NINJ2: variants seen among roughly 807,000 people sequenced by gnomAD.
NINJ2 encodes the protein ninjurin 2.
Under a neutral mutation model 11.7 loss-of-function variants are expected in NINJ2, and 12 were observed. The observed-to-expected ratio is 1.02, with a 90% CI of 0.66 to 1.66. The LOEUF is 1.66. Ranked by LOEUF, NINJ2 falls within the 40% of genes most tolerant of loss-of-function variation. NINJ2 has a pLI of 0.00. For synonymous variants in NINJ2, 93 were observed against 76.8 expected (o/e 1.21, Z -1.10); for missense variants, 187 against 181.8 (o/e 1.03, Z -0.16).
intron 1 of NINJ2, among the ~76,000 whole-genome samples, chr12:634,383 C>A (rs908581249): frequency 2.7e-5 from 4 of 150,862 alleles, no homozygotes; most frequent in East Asian, 1.9e-4. Flanking sequence ...CCTCAGCCCC[C>A]CTAGTAGCTG....
chr12:587,367 C>T (rs1293368057), intron 1 of NINJ2, among the ~76,000 whole-genome samples: 3 of 152,218 alleles, frequency 2.0e-5, no homozygotes, highest in Non-Finnish European at 2.9e-5. Context: ...CCCGGTCAAG[C>T]GGCGGCAGGA....
chr12:577,448 T>TATACATATATATATGTATATATA, intron 1 of NINJ2, among the ~76,000 whole-genome samples: 6 of 141,896 alleles, frequency 4.2e-5, no homozygotes, highest in Admixed American at 1.4e-4. Context: ...TATATAAATA[T>TATACATATATATATGTATATATA]TTTGGCACGA....
chr12:565,515 A>G, intron 2 of NINJ2, 114 bp from the exon 3 acceptor site: 2 of 1,118,222 alleles, frequency 1.8e-6, no homozygotes, highest in Non-Finnish European at 2.6e-6. Flanking sequence ...CCCATGTGGC[A>G]GAAATCAAGG....
rs1274391935 is a variant in NINJ2 at position 628,373 on chromosome 12, T to C, written c.33+34955A>G. On this transcript the variant is annotated intron_variant, in intron 1 of 3. Transcript: ENST00000305108. The surrounding 1 kb of genome is among the most constrained non-coding windows in gnomAD (Gnocchi z 4.4). Reference sequence around the variant, plus strand: ...AGGAAGGAGCCAGGTCTTTCCGTTCTTCTGCGTCTCCTCACAGCGTCACCT... The same window carrying C: ...AGGAAGGAGCCAGGTCTTTCCGTTCCTCTGCGTCTCCTCACAGCGTCACCT... Among the ~76,000 whole-genome samples the C allele has an allele frequency of 6.6e-6, 1 of 152,128 alleles. No individual in the cohort carries two copies. The highest frequency in any genetic ancestry group is 1.5e-5 in the Non-Finnish European group (1 of 67,988).
In NINJ2 at chr12:570,070, T is replaced by C. The variant is rs544999551; in HGVS notation, c.34-3892A>G. Among the ~76,000 whole-genome samples the C allele has an allele frequency of 1.2e-3, 182 of 152,258 alleles. 1 individual carries two copies. Among genetic ancestry groups the C allele is most frequent in the African/African-American group, 4.2e-3 (176 of 41,558 alleles). ...CCAGGACGGGAGCCTCGCCCGCAAG[T>C]CTGGATGGGCCGAACTAAAACCCAC... On this transcript the variant is annotated intron_variant, in intron 1 of 3. Coordinates refer to ENST00000305108, the MANE Select transcript of NINJ2 (RefSeq NM_016533.6).
At chr12:615,456 C>T (rs375611407) in intron 1 of NINJ2, among the ~76,000 whole-genome samples, 3 of 152,136 alleles carry the variant, frequency 2.0e-5, no homozygotes, top group Non-Finnish European at 4.4e-5. Context: ...GGCGTAGTGG[C>T]GCATGCCTGT....
chr12:597,056 A>C (rs1188451211), intron 1 of NINJ2, among the ~76,000 whole-genome samples: 2 of 152,236 alleles, frequency 1.3e-5, no homozygotes, highest in Non-Finnish European at 2.9e-5. Context: ...TTTATACCCT[A>C]AACCAAATAA....
intron 1 of NINJ2, chr12:590,499 A>G (rs1239587037): frequency 3.3e-5 from 5 of 152,368 alleles, no homozygotes; most frequent in East Asian, 3.9e-4. Context: ...TGCAGCCCCA[A>G]TAGGACTCAG....
intron 1 of NINJ2, among the ~76,000 whole-genome samples, chr12:651,965 G>A (rs1178043556): frequency 6.6e-6 from 1 of 152,020 alleles, no homozygotes; most frequent in Non-Finnish European, 1.5e-5. Context: ...AACTACAACA[G>A]GTATCATATA....
intron 1 of NINJ2, among the ~76,000 whole-genome samples, chr12:634,320 C>T (rs992424600): frequency 8.3e-6 from 1 of 120,540 alleles, no homozygotes; most frequent in Non-Finnish European, 1.6e-5. Flanking sequence ...AGTACAATGG[C>T]ACGATCTCGG....
At chr12:635,460 C>G (rs1271211044) in intron 1 of NINJ2, among the ~76,000 whole-genome samples, 1 of 152,208 alleles carries the variant, frequency 6.6e-6, no homozygotes, top group African/African-American at 2.4e-5. Flanking sequence ...AGCAAGGCTT[C>G]CAAGACCACT....
chr12:612,846 G>A (rs1213937995), intron 1 of NINJ2, among the ~76,000 whole-genome samples: 1 of 152,140 alleles, frequency 6.6e-6, no homozygotes, highest in Non-Finnish European at 1.5e-5. Flanking sequence ...TTGGCACACC[G>A]GGTCCTCTCC....
At chr12:610,350 T>C (rs933236180) in intron 1 of NINJ2, 13 of 1,535,382 alleles carry the variant, frequency 8.5e-6, no homozygotes, top group Non-Finnish European at 1.1e-5. Flanking sequence ...ACTTACCATA[T>C]ACATCATGAC....
intron 1 of NINJ2, among the ~76,000 whole-genome samples, chr12:572,696 T>A (rs1947394298): frequency 6.6e-6 from 1 of 151,916 alleles, no homozygotes; most frequent in South Asian, 2.1e-4. Flanking sequence ...AGGACATGAG[T>A]CACCTTATGT....
At chr12:598,286 G>T (rs1292052621) in intron 1 of NINJ2, among the ~76,000 whole-genome samples, 1 of 152,236 alleles carries the variant, frequency 6.6e-6, no homozygotes, top group Non-Finnish European at 1.5e-5. Context: ...GGCACCGAGG[G>T]GGTAAGTGCG....
At chr12:657,865 G>C (rs189307333) in intron 1 of NINJ2, among the ~76,000 whole-genome samples, 1 of 152,126 alleles carries the variant, frequency 6.6e-6, no homozygotes, top group East Asian at 1.9e-4. Flanking sequence ...AGCCATTTTG[G>C]AAGACAGTTT....
At chr12:586,656 C>T (rs4980943) in intron 1 of NINJ2, among the ~76,000 whole-genome samples, 40,388 of 152,028 alleles carry the variant, frequency 0.27, 5,636 homozygotes, top group South Asian at 0.37. Flanking sequence ...TCCCGTTTTA[C>T]AAATCAGGAC....
chr12:594,548 G>C (rs1003805551), intron 1 of NINJ2, among the ~76,000 whole-genome samples: 3 of 152,158 alleles, frequency 2.0e-5, no homozygotes, highest in African/African-American at 7.2e-5. Flanking sequence ...AACACTTTGG[G>C]AGGCGAAGGT....
chr12:602,485 T>C (rs1947885799), intron 1 of NINJ2, among the ~76,000 whole-genome samples: 1 of 152,260 alleles, frequency 6.6e-6, no homozygotes, highest in Non-Finnish European at 1.5e-5. Context: ...TATCATTGAA[T>C]AGATATTTCA....
Sources: gnomAD v4.1 joint callset for allele counts (sites outside exome capture counted in the v4.1 genomes callset) on GRCh38, gnomAD v4.1.1 for gene constraint, Gnocchi (gnomAD v3.1) non-coding constraint, MANE v1.5 for transcripts, NCBI Gene and HGNC (gene_info 2026-07-23, HGNC 2026-07-21) for gene names.